The following SH3RF2 variants were observed in gnomAD, a reference collection of about 807,000 sequenced individuals.
SH3RF2 encodes SH3 domain containing ring finger 2, also known as E3 ubiquitin-protein ligase SH3RF2.
SH3RF2 carries 43 observed loss-of-function variants against 59.0 expected under a neutral mutation model. The observed-to-expected ratio is 0.73, with a 90% CI of 0.57 to 0.94. SH3RF2 has a LOEUF of 0.94. Among genes scored for constraint, SH3RF2 ranks in the 40% least tolerant of loss-of-function variants. The pLI is 0.00. For missense variants in SH3RF2, 930 were observed against 940.1 expected (o/e 0.99, Z 0.14); for synonymous variants, 391 against 391.5 (o/e 1.00, Z 0.01).
At chr5:146,005,854 T>TA (rs34318684) in intron 4 of SH3RF2, among the ~76,000 whole-genome samples, 78,813 of 129,558 alleles carry the variant, frequency 0.61, 23,363 homozygotes, top group Middle Eastern at 0.81. Context: ...GCACTCTGTT[T>TA]AAAAAAAAAA....
chr5:146,036,540 CA>C (rs1323886879), intron 5 of SH3RF2, among the ~76,000 whole-genome samples: 1 of 151,876 alleles, frequency 6.6e-6, no homozygotes, highest in African/African-American at 2.4e-5. Flanking sequence ...ACTAAAAATA[CA>C]AAAACTAGCT....
intron 2 of SH3RF2, among the ~76,000 whole-genome samples, chr5:145,978,540 T>C (rs938080999): frequency 6.6e-6 from 1 of 152,166 alleles, no homozygotes; most frequent in African/African-American, 2.4e-5. Context: ...ACTTAGCAAG[T>C]TGTACTTCCA....
chr5:145,938,027 C>T lies in SH3RF2; in HGVS notation c.99C>T (p.Cys33=), dbSNP rs1487537776. 6.2e-7 allele frequency: 1 copy of T among 1,614,138 alleles called. No individual in the cohort carries two copies. The highest frequency in any genetic ancestry group is 1.3e-5 in the African/African-American group (1 of 74,948). The part of the protein sequence containing the change: ...AKVLPCQHTF[C]KPCLQRVFKA... Reference sequence around the variant, plus strand: ...TCCTCCCTTGCCAGCACACCTTCTGCAAACCATGTCTACAGAGGGTTTTCA... The same window carrying T: ...TCCTCCCTTGCCAGCACACCTTCTGTAAACCATGTCTACAGAGGGTTTTCA... Residue 33 remains cysteine, a synonymous_variant, in exon 2 of 10, where the codon TGC becomes TGT. Transcript: ENST00000359120.
chr5:146,063,649 C>T (rs1232240063), downstream of SH3RF2, among the ~76,000 whole-genome samples: 2 of 152,156 alleles, frequency 1.3e-5, no homozygotes, highest in Admixed American at 6.5e-5. Flanking sequence ...CACTTGAGGT[C>T]AGGAGTTTGA....
intron 5 of SH3RF2, among the ~76,000 whole-genome samples, chr5:146,040,015 C>T (rs745423761): frequency 8.5e-5 from 13 of 152,202 alleles, no homozygotes; most frequent in Non-Finnish European, 1.9e-4. Context: ...ACAATGTTCA[C>T]AGATAGACAA....
chr5:145,972,614 T>G (rs1759131898), intron 2 of SH3RF2, among the ~76,000 whole-genome samples: 2 of 152,188 alleles, frequency 1.3e-5, no homozygotes, highest in South Asian at 4.1e-4. Context: ...CCTCTTAAAC[T>G]GAACACTGAC....
intron 9 of SH3RF2, among the ~76,000 whole-genome samples, chr5:146,076,225 A>G (rs761257477): frequency 1.3e-5 from 2 of 152,068 alleles, no homozygotes; most frequent in Admixed American, 6.5e-5. Flanking sequence ...CAAACAAACC[A>G]CTGCTACTCG....
intron 7 of SH3RF2, among the ~76,000 whole-genome samples, chr5:146,051,668 T>C (rs1762502505): frequency 6.6e-6 from 1 of 151,724 alleles, no homozygotes; most frequent in African/African-American, 2.4e-5. Context: ...TGTTTTGGGG[T>C]ATGGAGGGAA....
In SH3RF2 at chr5:146,002,532, GGAA is replaced by G. The variant is rs1413684175; in HGVS notation, c.649-1524_649-1522del. On this transcript the variant is annotated intron_variant, in intron 3 of 9. Coordinates refer to ENST00000359120, the MANE Select transcript of SH3RF2 (RefSeq NM_152550.4). ...AGGAAGGAAGGAAGGAAGGAAGGAAGGAAGGATAACCTATAAATGCATAATTGC... is the reference window on the plus strand; with the variant it reads ...AGGAAGGAAGGAAGGAAGGAAGGAAGGGATAACCTATAAATGCATAATTGC... Among the ~76,000 whole-genome samples, 737 of 141,052 alleles carry G rather than the reference GGAA, an allele frequency of 5.2e-3. 13 individuals carry two copies. The highest frequency in any genetic ancestry group is 0.018 in the African/African-American group (691 of 38,174). 92.5% of individuals were successfully genotyped at this position (141,052 alleles called of 152,430 possible).
At chr5:145,959,002 A>C (rs1758522723) in intron 2 of SH3RF2, among the ~76,000 whole-genome samples, 1 of 152,206 alleles carries the variant, frequency 6.6e-6, no homozygotes, top group South Asian at 2.1e-4. Context: ...AGCCTCAAAA[A>C]GCAGTTTCCA....
At chr5:146,046,514 G>A (rs1020638091) in intron 5 of SH3RF2, among the ~76,000 whole-genome samples, 1 of 152,154 alleles carries the variant, frequency 6.6e-6, no homozygotes, top group Non-Finnish European at 1.5e-5. Flanking sequence ...CATGGAGAAG[G>A]TTTCATTATC....
chr5:145,973,783 G>A (rs943082224), intron 2 of SH3RF2, among the ~76,000 whole-genome samples: 11 of 152,102 alleles, frequency 7.2e-5, no homozygotes, highest in Admixed American at 6.5e-4. Context: ...TTTCTACTTA[G>A]ACATATAATT....
At chr5:146,019,696 T>C (rs1761236942) in intron 5 of SH3RF2, among the ~76,000 whole-genome samples, 1 of 152,200 alleles carries the variant, frequency 6.6e-6, no homozygotes, top group Non-Finnish European at 1.5e-5. Context: ...TTGAGCGGTA[T>C]GGTCATTTCA....
At chr5:146,019,823 G>A (rs1761242110) in intron 5 of SH3RF2, among the ~76,000 whole-genome samples, 1 of 151,810 alleles carries the variant, frequency 6.6e-6, no homozygotes, top group African/African-American at 2.4e-5. Flanking sequence ...CACCTCCTTG[G>A]TTAAGTATAT....
intron 5 of SH3RF2, among the ~76,000 whole-genome samples, chr5:146,029,651 A>T (rs1761672765): frequency 6.6e-6 from 1 of 152,176 alleles, no homozygotes; most frequent in Non-Finnish European, 1.5e-5. Context: ...CTTCTTCCTA[A>T]GGAAGAGTTT....
At position 146,062,412 on chromosome 5, in the gene SH3RF2, C is replaced by T. The variant is rs751255319; in HGVS notation, c.1915-14C>T. ...CACCTCACCTGTGTCCATTTCCTCT[C>T]CTTTCTCTTGCAGCAAGTCAAAACC... On this transcript the variant is annotated splice_polypyrimidine_tract_variant and intron_variant, in intron 9 of 9. Coordinates refer to ENST00000359120, the MANE Select transcript of SH3RF2 (RefSeq NM_152550.4). 1 of 1,611,754 alleles carries T rather than the reference C, an allele frequency of 6.2e-7. No homozygotes were observed. The highest frequency in any genetic ancestry group is 1.1e-5 in the South Asian group (1 of 90,808).
At position 146,062,801 on chromosome 5, in the gene SH3RF2, A is replaced by AT; in HGVS notation, c.*101dup. On this transcript the variant is annotated 3_prime_UTR_variant, in exon 10 of 10. Coordinates refer to ENST00000359120, the MANE Select transcript of SH3RF2 (RefSeq NM_152550.4). ...CCTGCCATTCTTTGGGGACTTGAGCATGGGTCCTTGTTCTTCCTATTTCAC... is the reference window on the plus strand; with the variant it reads ...CCTGCCATTCTTTGGGGACTTGAGCATTGGGTCCTTGTTCTTCCTATTTCAC... The AT allele has an allele frequency of 6.8e-7, 1 of 1,474,754 alleles. No homozygotes were observed. Among genetic ancestry groups the AT allele is most frequent in the Admixed American group, 2.1e-5 (1 of 46,584 alleles). The allele number at this position is 1,474,754 out of a possible 1,614,324, so 91.4% of individuals were successfully genotyped here.
At chr5:145,978,783 A>C (rs971691990) in intron 2 of SH3RF2, among the ~76,000 whole-genome samples, 8 of 152,192 alleles carry the variant, frequency 5.3e-5, no homozygotes, top group African/African-American at 1.9e-4. Flanking sequence ...AATACGAGAG[A>C]AGTTGTAACT....
intron 2 of SH3RF2, among the ~76,000 whole-genome samples, chr5:145,964,127 C>A (rs527420486): frequency 6.6e-6 from 1 of 151,930 alleles, no homozygotes; most frequent in Non-Finnish European, 1.5e-5. Flanking sequence ...CCACCGTGCC[C>A]GGCCTCTTCC....
Sources: gnomAD v4.1 joint callset for allele counts (sites outside exome capture counted in the v4.1 genomes callset) on GRCh38, gnomAD v4.1.1 for gene constraint, MANE v1.5 for transcripts, NCBI Gene and HGNC (gene_info 2026-07-23, HGNC 2026-07-21) for gene names.